Variants in CDH12 observed in about 807,000 individuals in gnomAD.
CDH12 encodes the protein cadherin-12.
In CDH12, 41 loss-of-function variants were observed where a neutral mutation model predicts 74.1. The observed-to-expected ratio is 0.55, with a 90% confidence interval of 0.43 to 0.72. The LOEUF (loss-of-function observed/expected upper bound fraction) is 0.72. CDH12 is among the 30% of genes least tolerant of loss of function. The pLI is 0.00. For missense variants in CDH12, 945 were observed against 977.2 expected (o/e 0.97, Z 0.44); for synonymous variants, 399 against 355.0 (o/e 1.12, Z -1.39).
At chr5:22,224,434 T>C (rs912777034) in intron 3 of CDH12, among the ~76,000 whole-genome samples, 1 of 152,068 alleles carries the variant, frequency 6.6e-6, no homozygotes, top group East Asian at 1.9e-4. Flanking sequence ...ATAATAATTT[T>C]AAAAACGATA....
intron 6 of CDH12, among the ~76,000 whole-genome samples, chr5:21,877,877 C>T (rs1004164030): frequency 1.3e-5 from 2 of 152,090 alleles, no homozygotes; most frequent in East Asian, 3.9e-4. Context: ...GCATTGATAC[C>T]CATTAGAAAA....
intron 3 of CDH12, among the ~76,000 whole-genome samples, chr5:22,366,872 A>T (rs1413630098): frequency 1.3e-5 from 2 of 152,162 alleles, no homozygotes; most frequent in African/African-American, 4.8e-5. Flanking sequence ...TTCTAATTTT[A>T]TCTCTGCCAT....
intron 3 of CDH12, among the ~76,000 whole-genome samples, chr5:22,315,503 G>C (rs1738593852): frequency 6.6e-6 from 1 of 152,114 alleles, no homozygotes; most frequent in Admixed American, 6.5e-5. Context: ...GAGTTGGAAA[G>C]TGAACTTATT....
chr5:21,947,751 T>G (rs1385496277), intron 6 of CDH12, among the ~76,000 whole-genome samples: 1 of 152,180 alleles, frequency 6.6e-6, no homozygotes, highest in Middle Eastern at 3.2e-3. Context: ...GGCAAAATTT[T>G]TCTTGGGCGT....
At chr5:21,878,721 T>C (rs1029411858) in intron 6 of CDH12, among the ~76,000 whole-genome samples, 4 of 147,024 alleles carry the variant, frequency 2.7e-5, no homozygotes, top group African/African-American at 7.6e-5. Flanking sequence ...TCTTCTACAA[T>C]ACAGCTTGGA....
intron 2 of CDH12, among the ~76,000 whole-genome samples, chr5:22,449,161 A>C (rs1744947111): frequency 6.6e-6 from 1 of 152,000 alleles, no homozygotes; most frequent in Non-Finnish European, 1.5e-5. Flanking sequence ...CGTATTTTGT[A>C]CTGAAATCCA....
chr5:22,766,710 C>T (rs1050735379), intron 1 of CDH12, among the ~76,000 whole-genome samples: 2 of 151,980 alleles, frequency 1.3e-5, no homozygotes, highest in African/African-American at 2.4e-5. Flanking sequence ...GCATTTGTAC[C>T]GAACATGCAG....
At chr5:22,452,103 G>C (rs564253974) in intron 2 of CDH12, among the ~76,000 whole-genome samples, 2 of 151,960 alleles carry the variant, frequency 1.3e-5, no homozygotes, top group Admixed American at 6.6e-5. Flanking sequence ...TATCTTCCAA[G>C]TTTATAAACT....
chr5:21,943,268 C>T (rs982746851), intron 6 of CDH12, among the ~76,000 whole-genome samples: 1 of 152,056 alleles, frequency 6.6e-6, no homozygotes, highest in African/African-American at 2.4e-5. Context: ...CTACACATTT[C>T]TTTATATAAG....
intron 13 of CDH12, among the ~76,000 whole-genome samples, chr5:21,756,582 G>A (rs1251321517): frequency 6.6e-6 from 1 of 152,164 alleles, no homozygotes; most frequent in Middle Eastern, 3.4e-3. Flanking sequence ...TCTATTGAAA[G>A]TGCTCTTTTG....
intron 6 of CDH12, among the ~76,000 whole-genome samples, chr5:21,892,212 T>C (rs1160955104): frequency 6.6e-6 from 1 of 152,174 alleles, no homozygotes; most frequent in Non-Finnish European, 1.5e-5. Flanking sequence ...AGTAATTCCC[T>C]TTGGTTTTGT....
At chr5:21,807,969 T>C (rs191321411) in intron 9 of CDH12, among the ~76,000 whole-genome samples, 104 of 152,188 alleles carry the variant, frequency 6.8e-4, no homozygotes, top group Non-Finnish European at 1.3e-3. Context: ...GCAGATGCTT[T>C]TCGTCCTGCC....
chr5:22,100,235 T>C (rs1171658702), intron 4 of CDH12, among the ~76,000 whole-genome samples: 1 of 152,174 alleles, frequency 6.6e-6, no homozygotes, highest in Non-Finnish European at 1.5e-5. Context: ...TTTAAAAATG[T>C]ATGCATCCCT....
At chr5:22,851,690 C>T (rs1312968930) in intron 1 of CDH12, among the ~76,000 whole-genome samples, 3 of 152,116 alleles carry the variant, frequency 2.0e-5, no homozygotes, top group South Asian at 2.1e-4. Context: ...CAAAACAATT[C>T]GTCAATCACC....
chr5:22,149,335 T>C (rs1460860417), intron 4 of CDH12, among the ~76,000 whole-genome samples: 3 of 152,194 alleles, frequency 2.0e-5, no homozygotes, highest in African/African-American at 7.2e-5. Flanking sequence ...TTTTACAGTA[T>C]ACAGCACTAA....
chr5:22,097,572 T>C (rs1049450790), intron 4 of CDH12, among the ~76,000 whole-genome samples: 2 of 152,042 alleles, frequency 1.3e-5, no homozygotes, highest in Non-Finnish European at 2.9e-5. Flanking sequence ...TTTTTAGTTA[T>C]CCCCACCTGC....
At chr5:22,046,891 A>G (rs1481348158) in intron 5 of CDH12, among the ~76,000 whole-genome samples, 1 of 152,180 alleles carries the variant, frequency 6.6e-6, no homozygotes, top group South Asian at 2.1e-4. Flanking sequence ...TGAAGGTGCT[A>G]TAAATCCACT....
At chr5:22,535,444 A>T (rs191724998) in intron 1 of CDH12, among the ~76,000 whole-genome samples, 21 of 151,994 alleles carry the variant, frequency 1.4e-4, no homozygotes, top group Non-Finnish European at 2.8e-4. Context: ...GCGTGAGCCA[A>T]CGCACCCGGC....
chr5:22,584,162 C>T (rs901161116), intron 1 of CDH12, among the ~76,000 whole-genome samples: 2 of 151,884 alleles, frequency 1.3e-5, no homozygotes, highest in Admixed American at 6.6e-5. Context: ...TGCAGTGGCA[C>T]GATCTCTGCT....
Sources: gnomAD v4.1 joint callset for allele counts (sites outside exome capture counted in the v4.1 genomes callset) on GRCh38, gnomAD v4.1.1 for gene constraint, MANE v1.5 for transcripts, NCBI Gene and HGNC (gene_info 2026-07-23, HGNC 2026-07-21) for gene names.